CSMD1: variants seen among roughly 807,000 people sequenced by gnomAD.
CSMD1 encodes CUB and Sushi multiple domains 1, also known as CUB and sushi domain-containing protein 1.
CSMD1 carries 213 observed loss-of-function variants against 417.5 expected under a neutral mutation model. The observed-to-expected ratio is 0.51, with a 90% CI of 0.46 to 0.57. The LOEUF is 0.57. CSMD1 is among the 20% of genes least tolerant of loss of function. The pLI is 0.00. For missense variants in CSMD1, 6,923 were observed against 4,529.7 expected (o/e 1.53, Z -15.17); for synonymous variants, 2,862 against 1,736.8 (o/e 1.65, Z -16.11).
At chr8:3,697,452 T>C (rs145782654) in intron 7 of CSMD1, among the ~76,000 whole-genome samples, 16 of 152,380 alleles carry the variant, frequency 1.1e-4, no homozygotes, top group African/African-American at 3.6e-4. Flanking sequence ...TAATTAATTA[T>C]CTTGCTGACT....
chr8:4,172,970 C>T (rs757809174), intron 3 of CSMD1, among the ~76,000 whole-genome samples: 18 of 152,242 alleles, frequency 1.2e-4, no homozygotes, highest in Middle Eastern at 6.8e-3. Context: ...GGCAGCTAAA[C>T]CATGCTCAGA....
intron 4 of CSMD1, among the ~76,000 whole-genome samples, chr8:4,031,542 A>G (rs1585168159): frequency 6.6e-6 from 1 of 152,324 alleles, no homozygotes; most frequent in East Asian, 1.9e-4. Flanking sequence ...TGTGGGAACT[A>G]CCGTTCAACA....
At chr8:4,152,576 A>G (rs1179944969) in intron 3 of CSMD1, among the ~76,000 whole-genome samples, 1 of 151,736 alleles carries the variant, frequency 6.6e-6, no homozygotes, top group East Asian at 1.9e-4. Flanking sequence ...TGTGTTCCCA[A>G]CTCCTTGGGA....
At chr8:3,010,500 C>A (rs1808302547) in intron 52 of CSMD1, among the ~76,000 whole-genome samples, 2 of 152,146 alleles carry the variant, frequency 1.3e-5, no homozygotes, top group Admixed American at 1.3e-4. Context: ...GACCCCAGCA[C>A]CTGCTTGTTT....
At chr8:3,857,682 A>T (rs1585098952) in intron 5 of CSMD1, among the ~76,000 whole-genome samples, 3 of 152,174 alleles carry the variant, frequency 2.0e-5, no homozygotes, top group Admixed American at 2.0e-4. Flanking sequence ...TACACTTCTT[A>T]GATTCTTCAT....
intron 5 of CSMD1, among the ~76,000 whole-genome samples, chr8:3,925,095 C>T (rs2129146061): frequency 6.6e-6 from 1 of 152,282 alleles, no homozygotes; most frequent in South Asian, 2.1e-4. Context: ...TTCTCTTATT[C>T]TTTCTTACCA....
At position 3,431,882 on chromosome 8, in the gene CSMD1, G is replaced by A. The variant is rs759602215; in HGVS notation, c.1562-22277C>T. ...CACGCCCACAGTGAGATAAGATATC[G>A]GCTGCTCTTCTGCAGCACCTCTTAC... On this transcript the variant is annotated intron_variant, in intron 12 of 69. Coordinates refer to ENST00000635120, the MANE Select transcript of CSMD1 (RefSeq NM_033225.6). Among the ~76,000 whole-genome samples the A allele has an allele frequency of 9.9e-5, 15 of 152,180 alleles. No homozygotes were observed. In the East Asian group the frequency reaches 1.4e-3, roughly 14 times the overall value.
At chr8:4,500,976 C>G (rs1414456671) in intron 2 of CSMD1, among the ~76,000 whole-genome samples, 2 of 151,820 alleles carry the variant, frequency 1.3e-5, no homozygotes, top group East Asian at 3.9e-4. Context: ...TTGTATGCAC[C>G]AAGAGGTTGA....
At chr8:3,629,671 A>G (rs1796679201) in intron 7 of CSMD1, among the ~76,000 whole-genome samples, 3 of 152,202 alleles carry the variant, frequency 2.0e-5, no homozygotes, top group Admixed American at 1.3e-4. Context: ...ACACAAGTTT[A>G]TAAGAGATTA....
At chr8:4,055,268 C>A (rs1453005849) in intron 3 of CSMD1, among the ~76,000 whole-genome samples, 1 of 152,090 alleles carries the variant, frequency 6.6e-6, no homozygotes, top group Non-Finnish European at 1.5e-5. Context: ...TCAGGTTAAA[C>A]AATTTTTGTA....
chr8:3,013,337 C>G (rs1347828298), intron 52 of CSMD1, among the ~76,000 whole-genome samples: 5 of 152,186 alleles, frequency 3.3e-5, no homozygotes, highest in Non-Finnish European at 7.3e-5. Context: ...TCAGGGCTGG[C>G]ACTGATATGG....
At chr8:3,605,070 C>T (rs1801543896) in intron 8 of CSMD1, among the ~76,000 whole-genome samples, 1 of 152,204 alleles carries the variant, frequency 6.6e-6, no homozygotes, top group East Asian at 1.9e-4. Context: ...TCTCGGCTTA[C>T]TGCAACCTCA....
intron 2 of CSMD1, among the ~76,000 whole-genome samples, chr8:4,545,373 A>G (rs1797582748): frequency 1.3e-5 from 2 of 152,210 alleles, no homozygotes; most frequent in South Asian, 4.1e-4. Context: ...TCCTCCAAAT[A>G]TGGAGTTTTC....
intron 3 of CSMD1, among the ~76,000 whole-genome samples, chr8:4,067,776 T>C (rs1255387587): frequency 6.6e-6 from 1 of 152,120 alleles, no homozygotes; most frequent in Non-Finnish European, 1.5e-5. Context: ...CGTTTTCCTG[T>C]AAACAGAATT....
intron 1 of CSMD1, among the ~76,000 whole-genome samples, chr8:4,836,687 G>T (rs55759319): frequency 0.014 from 2,068 of 152,068 alleles, 51 homozygotes; most frequent in African/African-American, 0.048. Context: ...TATTCATCTC[G>T]TCGCTTCCAC....
chr8:3,876,076 G>A (rs13258918), intron 5 of CSMD1, among the ~76,000 whole-genome samples: 112 of 151,994 alleles, frequency 7.4e-4, no homozygotes, highest in Middle Eastern at 3.4e-3. Flanking sequence ...AAATATACTT[G>A]TTGTCTTTTC....
chr8:4,622,977 A>T (rs1801868866), intron 2 of CSMD1, among the ~76,000 whole-genome samples: 1 of 152,204 alleles, frequency 6.6e-6, no homozygotes, highest in Non-Finnish European at 1.5e-5. Context: ...TGTCACATGA[A>T]ATCAGGAAAC....
chr8:4,827,815 G>C (rs1198876972), intron 1 of CSMD1, among the ~76,000 whole-genome samples: 1 of 152,090 alleles, frequency 6.6e-6, no homozygotes, highest in Admixed American at 6.6e-5. Flanking sequence ...AATTTTTACT[G>C]TAATCTACAG....
chr8:3,766,344 C>T (rs369468098), intron 5 of CSMD1, among the ~76,000 whole-genome samples: 44 of 152,286 alleles, frequency 2.9e-4, no homozygotes, highest in African/African-American at 1.1e-3. Context: ...TTGCAACAAG[C>T]TAATCTGGAT....
Sources: allele counts gnomAD v4.1 joint callset (sites outside exome capture counted in the v4.1 genomes callset), GRCh38; gene constraint gnomAD v4.1.1; transcripts MANE v1.5; gene names NCBI Gene and HGNC (gene_info 2026-07-23, HGNC 2026-07-21).